The following HDAC9 variants were observed in gnomAD, a reference collection of about 807,000 sequenced individuals.
The protein encoded by HDAC9 is histone deacetylase 9.
Under a neutral mutation model 139.4 loss-of-function variants are expected in HDAC9, and 41 were observed. That is an observed-to-expected ratio of 0.29 (90% confidence interval 0.23 to 0.38). HDAC9 has a LOEUF of 0.38. Ranked by LOEUF, HDAC9 falls within the 10% of genes least tolerant of loss-of-function variation. The pLI, the probability that HDAC9 is intolerant of heterozygous loss-of-function variation, is 1.00. For missense variants in HDAC9, 1,147 were observed against 1,297.0 expected (o/e 0.88, Z 1.78); for synonymous variants, 517 against 476.2 (o/e 1.09, Z -1.12).
intron 22 of HDAC9, among the ~76,000 whole-genome samples, chr7:18,916,088 A>T (rs565341713): frequency 2.0e-5 from 3 of 151,546 alleles, no homozygotes; most frequent in African/African-American, 7.3e-5. Context: ...AAACACCTGC[A>T]TTTGGCTGTT....
intron 6 of HDAC9, among the ~76,000 whole-genome samples, chr7:18,627,382 A>G (rs1210431052): frequency 6.6e-6 from 1 of 152,192 alleles, no homozygotes; most frequent in East Asian, 1.9e-4. Context: ...TACAGAGGAT[A>G]CCAATGTAGT....
intron 3 of HDAC9, among the ~76,000 whole-genome samples, chr7:18,588,011 A>G (rs1200038689): frequency 6.6e-6 from 1 of 152,198 alleles, no homozygotes; most frequent in Non-Finnish European, 1.5e-5. Context: ...ACCATGGAAT[A>G]TTATTTCATT....
intron 12 of HDAC9, among the ~76,000 whole-genome samples, chr7:18,683,479 T>G (rs1322048684): frequency 6.6e-6 from 1 of 152,094 alleles, no homozygotes; most frequent in Non-Finnish European, 1.5e-5. Flanking sequence ...CAGCAAAGGG[T>G]TTGACATCTT....
At chr7:18,687,189 A>G (rs1782336482) in intron 12 of HDAC9, among the ~76,000 whole-genome samples, 1 of 151,824 alleles carries the variant, frequency 6.6e-6, no homozygotes, top group African/African-American at 2.4e-5. Context: ...ATTTCTGTAT[A>G]TACACATTTC....
intron 2 of HDAC9, among the ~76,000 whole-genome samples, chr7:18,198,095 C>G (rs1790849982): frequency 6.6e-6 from 1 of 152,050 alleles, no homozygotes; most frequent in South Asian, 2.1e-4. Context: ...AGCAAATCAT[C>G]TTTTATATCC....
intron 17 of HDAC9, among the ~76,000 whole-genome samples, chr7:18,825,736 G>A (rs1489489455): frequency 6.8e-6 from 1 of 148,010 alleles, no homozygotes; most frequent in Non-Finnish European, 1.5e-5. Flanking sequence ...ATATTTGTAT[G>A]TAATTATAAA....
chr7:18,786,599 T>TTCCTTCCTTCCTTTCG (rs1562940653), intron 16 of HDAC9, among the ~76,000 whole-genome samples: 6 of 86,332 alleles, frequency 6.9e-5, no homozygotes, highest in African/African-American at 2.8e-4. Flanking sequence ...CCTTCCTTCC[T>TTCCTTCCTTCCTTTCG]TCCTTCCTTC....
intron 1 of HDAC9, among the ~76,000 whole-genome samples, chr7:18,146,885 A>G (rs1786379619): frequency 6.6e-6 from 1 of 152,216 alleles, no homozygotes; most frequent in African/African-American, 2.4e-5. Flanking sequence ...GGCGTTAGAC[A>G]GACATTGTCC....
chr7:18,093,596 A>G (rs1782310034), intron 1 of HDAC9, among the ~76,000 whole-genome samples: 1 of 152,206 alleles, frequency 6.6e-6, no homozygotes, highest in Non-Finnish European at 1.5e-5. Flanking sequence ...ATTTCTACTT[A>G]TCATTTTGGT....
intron 2 of HDAC9, among the ~76,000 whole-genome samples, chr7:18,254,789 GA>G (rs1320197704): frequency 1.3e-5 from 2 of 152,156 alleles, no homozygotes; most frequent in African/African-American, 4.8e-5. Context: ...ACTTTGATAT[GA>G]TTTTTTAAGT....
chr7:18,654,453 G>A (rs747106075), intron 11 of HDAC9, among the ~76,000 whole-genome samples: 6 of 151,924 alleles, frequency 3.9e-5, no homozygotes, highest in Admixed American at 6.6e-5. Flanking sequence ...GAATTCTTAC[G>A]TCTATCTTCC....
chr7:18,970,314 TATAAA>T, intron 24 of HDAC9, among the ~76,000 whole-genome samples: 1 of 152,032 alleles, frequency 6.6e-6, no homozygotes, highest in East Asian at 1.9e-4. Flanking sequence ...AGATAATCAA[TATAAA>T]GAAGAAGCTG....
At chr7:18,378,915 A>T in intron 1 of HDAC9, among the ~76,000 whole-genome samples, 1 of 152,138 alleles carries the variant, frequency 6.6e-6, no homozygotes, top group East Asian at 1.9e-4. Context: ...AGTTTTATCT[A>T]ATGTTGTAAT....
chr7:18,673,819 T>C (rs1317933925), intron 12 of HDAC9, among the ~76,000 whole-genome samples: 2 of 152,048 alleles, frequency 1.3e-5, no homozygotes, highest in African/African-American at 2.4e-5. Flanking sequence ...AGGCATAAAA[T>C]GTTAGTGTTA....
intron 14 of HDAC9, among the ~76,000 whole-genome samples, chr7:18,749,611 A>G (rs1788275337): frequency 6.6e-6 from 1 of 152,216 alleles, no homozygotes; most frequent in African/African-American, 2.4e-5. Context: ...TTATAACTTG[A>G]TGAAGGGATT....
chr7:18,849,731 G>A (rs1463112879), intron 21 of HDAC9, among the ~76,000 whole-genome samples: 1 of 152,054 alleles, frequency 6.6e-6, no homozygotes, highest in Non-Finnish European at 1.5e-5. Flanking sequence ...GTCAAAAAGG[G>A]GAGAATTTCC....
chr7:18,769,449 G>A (rs919169756), intron 16 of HDAC9, among the ~76,000 whole-genome samples: 1 of 152,124 alleles, frequency 6.6e-6, no homozygotes, highest in Non-Finnish European at 1.5e-5. Context: ...GTCTGGGGTA[G>A]GCCAGCAGAG....
At chr7:18,499,711 G>A (rs1009639914) in intron 2 of HDAC9, among the ~76,000 whole-genome samples, 1 of 152,118 alleles carries the variant, frequency 6.6e-6, no homozygotes, top group African/African-American at 2.4e-5. Flanking sequence ...TTGTACAGAA[G>A]TAATGTAAGA....
chr7:18,677,256 A>T (rs1362414139), intron 12 of HDAC9, among the ~76,000 whole-genome samples: 1 of 151,910 alleles, frequency 6.6e-6, no homozygotes, highest in East Asian at 1.9e-4. Context: ...TGATATTTTC[A>T]GTCTGAATTT....
Sources: allele counts gnomAD v4.1 joint callset (sites outside exome capture counted in the v4.1 genomes callset), GRCh38; gene constraint gnomAD v4.1.1; transcripts MANE v1.5; gene names NCBI Gene and HGNC (gene_info 2026-07-23, HGNC 2026-07-21).